Variants in SCRN1 observed in about 807,000 individuals in gnomAD.
SCRN1 encodes the protein secernin-1.
A neutral mutation model predicts 43.3 loss-of-function variants in SCRN1; 19 were observed. The observed-to-expected ratio is 0.44, with a 90% CI of 0.31 to 0.64. The LOEUF (loss-of-function observed/expected upper bound fraction) is 0.64, where lower values mean the gene tolerates loss of function less well. SCRN1 is among the 30% of genes least tolerant of loss of function. The pLI is 0.09. For synonymous variants in SCRN1, 183 were observed against 188.9 expected, an observed-to-expected ratio of 0.97 and a Z score of 0.26; for missense variants, 447 against 524.1, an observed-to-expected ratio of 0.85 and a Z score of 1.44.
At chr7:29,931,867 C>G (rs1787165780) in intron 6 of SCRN1, among the ~76,000 whole-genome samples, 1 of 152,196 alleles carries the variant, frequency 6.6e-6, no homozygotes, top group Admixed American at 6.5e-5. Flanking sequence ...GCAGGCGCCC[C>G]TCAGAGTGGT....
chr7:29,990,186 T>C, upstream of SCRN1: 1 of 1,551,712 alleles, frequency 6.4e-7, no homozygotes, highest in Non-Finnish European at 8.7e-7. Context: ...CTGTACCTTG[T>C]TGACTCGCAC....
intron 3 of SCRN1, among the ~76,000 whole-genome samples, chr7:29,949,473 G>A (rs1787847344): frequency 6.7e-6 from 1 of 150,252 alleles, no homozygotes; most frequent in Non-Finnish European, 1.5e-5. Flanking sequence ...CCCCACCTGG[G>A]TTCAAGCAAA....
At chr7:29,989,905 C>A (rs967942062), upstream of SCRN1, 1 of 1,101,154 alleles carries the variant, frequency 9.1e-7, no homozygotes, top group South Asian at 3.4e-5. Flanking sequence ...CCCGCCGCAC[C>A]CCGCGCGTCT....
rs896673199 is a variant in SCRN1 at position 29,923,601 on chromosome 7, C to T, written c.*356G>A. 18 of 177,234 alleles carry T rather than the reference C, an allele frequency of 1.0e-4. No homozygotes were observed. The East Asian group carries it at 2.9e-3, about 28-fold the overall frequency. The allele number at this position is 177,234 out of a possible 1,614,324, so 11.0% of individuals were successfully genotyped here. ...CAAAAGAATTTGCTTTTCCCGCCAA[C>T]TCGGCACTGTGAAGCCTGCCTTTCA... On this transcript the variant is annotated 3_prime_UTR_variant, in exon 8 of 8. Transcript: ENST00000242059.
At chr7:29,933,622 T>C (rs923129309) in intron 6 of SCRN1, among the ~76,000 whole-genome samples, 1 of 152,200 alleles carries the variant, frequency 6.6e-6, no homozygotes, top group African/African-American at 2.4e-5. Flanking sequence ...CTTCTCAATA[T>C]AATTAAGTGA....
chr7:29,975,111 GA>G (rs61058929), intron 1 of SCRN1, among the ~76,000 whole-genome samples: 2 of 151,796 alleles, frequency 1.3e-5, no homozygotes, highest in Non-Finnish European at 2.9e-5. Flanking sequence ...CAAAGAAAAA[GA>G]AAAAAAGAAC....
At chr7:29,937,905 C>G (rs1787395415) in intron 5 of SCRN1, among the ~76,000 whole-genome samples, 1 of 152,204 alleles carries the variant, frequency 6.6e-6, no homozygotes, top group Admixed American at 6.5e-5. Flanking sequence ...GAAATATTAA[C>G]AACAAATCCT....
chr7:29,989,050 C>T (rs549114760), intron 1 of SCRN1: 3 of 152,154 alleles, frequency 2.0e-5, no homozygotes, highest in Admixed American at 1.3e-4. Context: ...GTGTCAAGTC[C>T]CACGCGCGGC....
rs199808456 is a variant in SCRN1, at chr7:29,936,768, C to T, written c.740-47G>A. 4.2e-3 allele frequency: 6,008 copies of T among 1,431,626 alleles called. 15 individuals are homozygous for T. The highest frequency in any genetic ancestry group is 5.2e-3 in the Non-Finnish European group (5,617 of 1,072,856). The allele number at this position is 1,431,626 out of a possible 1,614,324, so 88.7% of individuals were successfully genotyped here. A position where few individuals can be genotyped will look rare whatever the true frequency, so the allele number is the denominator to read the frequency against. ...ACAAATGGAAAGAGTAGATATAGGC[C>T]GGGCGCGGTGGCTCACGCCTGTAAT... On this transcript the variant is annotated intron_variant, in intron 5 of 7. Coordinates refer to ENST00000242059, the MANE Select transcript of SCRN1 (RefSeq NM_014766.5).
chr7:29,955,570 C>T (rs1304892913), intron 2 of SCRN1, among the ~76,000 whole-genome samples: 1 of 152,242 alleles, frequency 6.6e-6, no homozygotes, highest in African/African-American at 2.4e-5. Context: ...CAATCTATTC[C>T]TGGTGCTCAC....
At chr7:29,979,567 G>A (rs1158585120) in intron 1 of SCRN1, among the ~76,000 whole-genome samples, 2 of 152,108 alleles carry the variant, frequency 1.3e-5, no homozygotes, top group Admixed American at 1.3e-4. Context: ...ATTCAATGTT[G>A]GGACACACTT....
chr7:29,956,110 T>A (rs1788128102), intron 2 of SCRN1, among the ~76,000 whole-genome samples: 1 of 152,214 alleles, frequency 6.6e-6, no homozygotes, highest in Admixed American at 6.5e-5. Context: ...AGTCAAACTA[T>A]TTCTTCCCAA....
chr7:29,970,174 A>C (rs1221110954), intron 1 of SCRN1, among the ~76,000 whole-genome samples: 1 of 152,206 alleles, frequency 6.6e-6, no homozygotes, highest in African/African-American at 2.4e-5. Context: ...TTCCTGCTTA[A>C]AATACTTCAG....
In SCRN1 at chr7:29,944,188, A is replaced by C. The variant is rs754948982; in HGVS notation, c.342-9T>G. On this transcript the variant is annotated splice_polypyrimidine_tract_variant and intron_variant, in intron 3 of 7. Coordinates refer to ENST00000242059, the MANE Select transcript of SCRN1 (RefSeq NM_014766.5). ...CTCTTTCTAAACCAAGCCTGCAGGAAGGAAACCAGAACCATACTTCAGTCA... is the reference window on the plus strand; with the variant it reads ...CTCTTTCTAAACCAAGCCTGCAGGACGGAAACCAGAACCATACTTCAGTCA... The C allele has an allele frequency of 1.9e-6, 3 of 1,613,544 alleles. No individual in the cohort carries two copies. The highest frequency in any genetic ancestry group is 4.5e-5 in the East Asian group (2 of 44,900).
Position 29,976,161 on chromosome 7 carries a change from C to T in SCRN1, c.-1-7093G>A, listed in dbSNP as rs140019169. On this transcript the variant is annotated intron_variant, in intron 1 of 7. Coordinates refer to ENST00000242059, the MANE Select transcript of SCRN1 (RefSeq NM_014766.5). ...GCGAGCCACCAGTTTTCCTTCAGAC[C>T]AACGCTGTCCAGGAGCATTTTCTGA... 1.1e-4 allele frequency among the ~76,000 whole-genome samples: 17 copies of T among 152,258 alleles called. 1 individual carries two copies. In the East Asian group the frequency reaches 3.3e-3, roughly 29 times the overall value.
intron 1 of SCRN1, among the ~76,000 whole-genome samples, chr7:29,975,886 C>G (rs1788815755): frequency 6.6e-6 from 1 of 152,186 alleles, no homozygotes; most frequent in Non-Finnish European, 1.5e-5. Flanking sequence ...GTGCATTTAT[C>G]TGTAGTTTGT....
chr7:29,938,140 C>T (rs1787404242), intron 5 of SCRN1, among the ~76,000 whole-genome samples: 1 of 152,116 alleles, frequency 6.6e-6, no homozygotes, highest in Non-Finnish European at 1.5e-5. Context: ...GTGATTCGCC[C>T]ACCTCAGCCT....
At chr7:29,942,682 C>G (rs1787596349) in intron 4 of SCRN1, among the ~76,000 whole-genome samples, 1 of 152,144 alleles carries the variant, frequency 6.6e-6, no homozygotes, top group Non-Finnish European at 1.5e-5. Context: ...GGCAAGTAGG[C>G]ACACACACTG....
intron 3 of SCRN1, among the ~76,000 whole-genome samples, chr7:29,949,535 A>G (rs1186035646): frequency 1.3e-5 from 2 of 151,524 alleles, no homozygotes; most frequent in Admixed American, 1.3e-4. Flanking sequence ...GGGCCACTAT[A>G]CTGGGTTAAT....
Sources: gnomAD v4.1 joint callset for allele counts (sites outside exome capture counted in the v4.1 genomes callset) on GRCh38, gnomAD v4.1.1 for gene constraint, MANE v1.5 for transcripts, NCBI Gene and HGNC (gene_info 2026-07-23, HGNC 2026-07-21) for gene names.